CCSER1: variants seen among roughly 807,000 people sequenced by gnomAD.
CCSER1 encodes coiled-coil serine rich protein 1, also known as serine-rich coiled-coil domain-containing protein 1.
CCSER1 carries 41 observed loss-of-function variants against 82.0 expected under a neutral mutation model. The observed-to-expected ratio is 0.50, with a 90% CI of 0.39 to 0.65. The LOEUF is 0.65. Among genes scored for constraint, CCSER1 ranks in the 30% least tolerant of loss-of-function variants. The pLI is 0.00. For missense variants in CCSER1, 1,119 were observed against 1,064.2 expected (o/e 1.05, Z -0.72); for synonymous variants, 414 against 383.9 (o/e 1.08, Z -0.92).
At chr4:91,572,643 A>C (rs1763239495) in intron 10 of CCSER1, among the ~76,000 whole-genome samples, 1 of 151,116 alleles carries the variant, frequency 6.6e-6, no homozygotes, top group South Asian at 2.1e-4. Context: ...ACACAGTGAG[A>C]AGTGGGACTG....
intron 3 of CCSER1, among the ~76,000 whole-genome samples, chr4:90,371,089 A>C (rs1220040434): frequency 6.6e-6 from 1 of 152,024 alleles, no homozygotes; most frequent in Non-Finnish European, 1.5e-5. Flanking sequence ...ATAACTGTCT[A>C]GTTTTAATCT....
chr4:91,298,357 A>G (rs1275660965), intron 10 of CCSER1, among the ~76,000 whole-genome samples: 1 of 152,008 alleles, frequency 6.6e-6, no homozygotes, highest in African/African-American at 2.4e-5. Context: ...AGCTGCCCAG[A>G]GCTCAAATGA....
At chr4:90,746,981 T>C (rs1747587649) in intron 7 of CCSER1, among the ~76,000 whole-genome samples, 1 of 152,200 alleles carries the variant, frequency 6.6e-6, no homozygotes, top group Non-Finnish European at 1.5e-5. Context: ...TACTGTACTA[T>C]TTTATTTTAA....
chr4:91,357,308 T>G (rs1017999616), intron 10 of CCSER1, among the ~76,000 whole-genome samples: 2 of 152,184 alleles, frequency 1.3e-5, no homozygotes, highest in African/African-American at 4.8e-5. Context: ...TGTAGACATA[T>G]TTATCCAATT....
intron 7 of CCSER1, among the ~76,000 whole-genome samples, chr4:90,758,982 C>G (rs898483117): frequency 6.6e-6 from 1 of 152,052 alleles, no homozygotes; most frequent in South Asian, 2.1e-4. Context: ...TTTAGTAACA[C>G]CCTATACACT....
chr4:90,361,138 T>C (rs1474791289), intron 3 of CCSER1, among the ~76,000 whole-genome samples: 1 of 152,226 alleles, frequency 6.6e-6, no homozygotes, highest in Non-Finnish European at 1.5e-5. Context: ...CTATATTTTT[T>C]CATTCCCAAT....
At chr4:90,325,970 C>G (rs1279187205) in intron 3 of CCSER1, among the ~76,000 whole-genome samples, 1 of 151,192 alleles carries the variant, frequency 6.6e-6, no homozygotes, top group Non-Finnish European at 1.5e-5. Context: ...GTCTCACAAA[C>G]TATCACATTT....
intron 10 of CCSER1, among the ~76,000 whole-genome samples, chr4:91,123,553 C>A (rs1446377161): frequency 1.3e-5 from 2 of 151,670 alleles, no homozygotes; most frequent in Non-Finnish European, 3.0e-5. Flanking sequence ...TCTGGAATTA[C>A]AAAACATGAC....
chr4:91,148,739 G>A (rs1729806638), intron 10 of CCSER1, among the ~76,000 whole-genome samples: 1 of 152,110 alleles, frequency 6.6e-6, no homozygotes, highest in South Asian at 2.1e-4. Context: ...GTGGTGTTTG[G>A]TTTTCTATTC....
At chr4:90,894,685 T>C (rs1723444929) in intron 8 of CCSER1, among the ~76,000 whole-genome samples, 1 of 151,902 alleles carries the variant, frequency 6.6e-6, no homozygotes, top group African/African-American at 2.4e-5. Context: ...TTTTCTCCTC[T>C]TTTCCCTTCT....
chr4:91,245,710 G>C (rs1279204349), intron 10 of CCSER1, among the ~76,000 whole-genome samples: 1 of 151,998 alleles, frequency 6.6e-6, no homozygotes, highest in East Asian at 1.9e-4. Flanking sequence ...TTGTTTGTTT[G>C]TTTGAGATGG....
At chr4:91,161,368 G>T (rs908146124) in intron 10 of CCSER1, among the ~76,000 whole-genome samples, 8 of 152,000 alleles carry the variant, frequency 5.3e-5, no homozygotes, top group South Asian at 2.1e-4. Context: ...TTTGCTTAGG[G>T]TTGTCTTGGC....
At chr4:90,584,489 C>A (rs1781770095) in intron 5 of CCSER1, among the ~76,000 whole-genome samples, 1 of 152,144 alleles carries the variant, frequency 6.6e-6, no homozygotes, top group Admixed American at 6.5e-5. Flanking sequence ...GAAGCCCATC[C>A]AGATTCTTTG....
intron 6 of CCSER1, among the ~76,000 whole-genome samples, chr4:90,716,296 A>C (rs969604238): frequency 2.6e-5 from 4 of 151,944 alleles, no homozygotes; most frequent in Admixed American, 1.3e-4. Context: ...AATATGTACA[A>C]AAATTTTTAA....
intron 3 of CCSER1, among the ~76,000 whole-genome samples, chr4:90,354,563 GTA>G (rs1191859891): frequency 1.3e-5 from 2 of 152,014 alleles, no homozygotes; most frequent in Non-Finnish European, 2.9e-5. Flanking sequence ...TTCACAGTGT[GTA>G]TGTATATCAA....
At chr4:91,364,219 G>A (rs1019416034) in intron 10 of CCSER1, among the ~76,000 whole-genome samples, 2 of 151,944 alleles carry the variant, frequency 1.3e-5, no homozygotes, top group Non-Finnish European at 2.9e-5. Context: ...TAGTGCAGTA[G>A]CTCCTTGTCT....
chr4:91,192,653 C>T (rs1244878867), intron 10 of CCSER1, among the ~76,000 whole-genome samples: 1 of 151,970 alleles, frequency 6.6e-6, no homozygotes, highest in African/African-American at 2.4e-5. Context: ...CTTGATTTAG[C>T]CCTCATTATA....
intron 7 of CCSER1, among the ~76,000 whole-genome samples, chr4:90,746,997 A>T (rs1438048163): frequency 6.6e-6 from 1 of 152,182 alleles, no homozygotes; most frequent in East Asian, 1.9e-4. Context: ...TTTAAGCATT[A>T]TTCTGACTAT....
intron 3 of CCSER1, among the ~76,000 whole-genome samples, chr4:90,399,649 C>A (rs1752526677): frequency 6.6e-6 from 1 of 151,940 alleles, no homozygotes; most frequent in Non-Finnish European, 1.5e-5. Context: ...TGAGCAAATT[C>A]CTTTTTAATA....
Sources: allele counts gnomAD v4.1 joint callset (sites outside exome capture counted in the v4.1 genomes callset), GRCh38; gene constraint gnomAD v4.1.1; transcripts MANE v1.5; gene names NCBI Gene and HGNC (gene_info 2026-07-23, HGNC 2026-07-21).